Variants in KCND2 observed in about 807,000 individuals in gnomAD.
The protein encoded by KCND2 is potassium voltage-gated channel subfamily D member 2, also known as A-type voltage-gated potassium channel KCND2.
KCND2 carries 16 observed loss-of-function variants against 54.4 expected under a neutral mutation model. That is an observed-to-expected ratio of 0.29 (90% CI 0.20 to 0.45). KCND2 has a LOEUF of 0.45. Ranked by LOEUF, KCND2 falls within the 20% of genes least tolerant of loss-of-function variation. The pLI, the probability that KCND2 is intolerant of heterozygous loss-of-function variation, is 1.00. For missense variants in KCND2, 486 were observed against 824.2 expected (o/e 0.59, Z 5.02); for synonymous variants, 317 against 310.7 (o/e 1.02, Z -0.21).
At chr7:120,288,597 T>G (rs1263989968) in intron 1 of KCND2, among the ~76,000 whole-genome samples, 3 of 152,164 alleles carry the variant, frequency 2.0e-5, no homozygotes, top group Non-Finnish European at 4.4e-5. Context: ...TTGATAGATA[T>G]ATGAAATATA....
chr7:120,566,672 A>G (rs1055291431), intron 1 of KCND2, among the ~76,000 whole-genome samples: 2 of 151,988 alleles, frequency 1.3e-5, no homozygotes, highest in Non-Finnish European at 2.9e-5. Context: ...TCCCATTACT[A>G]TTTTTGTAAG....
At chr7:120,591,162 A>C (rs9886190) in intron 1 of KCND2, among the ~76,000 whole-genome samples, 17,894 of 152,124 alleles carry the variant, frequency 0.12, 1,697 homozygotes, top group African/African-American at 0.28. Flanking sequence ...AATGCTTCAA[A>C]TTTCAACCTA....
intron 1 of KCND2, among the ~76,000 whole-genome samples, chr7:120,664,609 A>G (rs937343742): frequency 1.3e-5 from 2 of 152,074 alleles, no homozygotes; most frequent in East Asian, 3.8e-4. Context: ...TAGAGCTCCC[A>G]ATATTTTGAG....
intron 1 of KCND2, among the ~76,000 whole-genome samples, chr7:120,503,500 A>G (rs186065725): frequency 1.2e-4 from 18 of 152,066 alleles, no homozygotes; most frequent in Admixed American, 6.6e-4. Context: ...TCTTTTAAAC[A>G]TAAGTGTTCC....
chr7:120,671,258 A>C (rs539074736), intron 1 of KCND2, among the ~76,000 whole-genome samples: 11 of 152,076 alleles, frequency 7.2e-5, no homozygotes, highest in Non-Finnish European at 1.2e-4. Flanking sequence ...CATTAGGAGC[A>C]TGCAACCTAG....
At chr7:120,596,811 T>G (rs73441827) in intron 1 of KCND2, among the ~76,000 whole-genome samples, 2,223 of 152,304 alleles carry the variant, frequency 0.015, 47 homozygotes, top group African/African-American at 0.051. Context: ...ATGGTCTACA[T>G]GGAAAAATAA....
At position 120,741,548 on chromosome 7, in the gene KCND2, C is replaced by T. The variant is rs1792941084; in HGVS notation, c.1293C>T (p.Ala431=). The T allele has an allele frequency of 6.2e-7, 1 of 1,612,462 alleles. No homozygotes were observed. The highest frequency in any genetic ancestry group is 1.7e-5 in the Admixed American group (1 of 59,934). Reference sequence around the variant, plus strand: ...TTCTCCTATAGAAAGCTAGACTGGCCAGGATCCGGGCAGCCAAAAGCGGAA... The same window carrying T: ...TTCTCCTATAGAAAGCTAGACTGGCTAGGATCCGGGCAGCCAAAAGCGGAA... The part of the protein sequence containing the change: ...KRRAQKKARL[A]RIRAAKSGSA... The change falls in exon 3 of 6, where the codon GCC becomes GCT. Residue 431 remains alanine, a synonymous_variant. Transcript: ENST00000331113.
chr7:120,310,659 TGTGGTGGCTCAC>T (rs1180405121), intron 1 of KCND2, among the ~76,000 whole-genome samples: 3 of 152,090 alleles, frequency 2.0e-5, no homozygotes, highest in East Asian at 3.9e-4. Context: ...GGCTCACGGT[TGTGGTGGCTCAC>T]GTGGTGGCTC....
chr7:120,707,744 AG>A (rs1792487971), intron 1 of KCND2, among the ~76,000 whole-genome samples: 5 of 152,138 alleles, frequency 3.3e-5, no homozygotes, highest in Admixed American at 3.3e-4. Context: ...GCAAGGCTGA[AG>A]TAGAGGGACA....
chr7:120,311,895 G>T (rs1232640271), intron 1 of KCND2, among the ~76,000 whole-genome samples: 1 of 151,972 alleles, frequency 6.6e-6, no homozygotes, highest in Non-Finnish European at 1.5e-5. Context: ...CAAAGGACAT[G>T]GTCTCAATTT....
intron 1 of KCND2, among the ~76,000 whole-genome samples, chr7:120,282,559 T>TG (rs1277862718): frequency 3.3e-5 from 5 of 152,058 alleles, no homozygotes; most frequent in Admixed American, 1.3e-4. Flanking sequence ...ATTAAAAGTG[T>TG]GGGGGGAGTA....
chr7:120,597,169 C>T (rs1792755802), intron 1 of KCND2, among the ~76,000 whole-genome samples: 1 of 152,066 alleles, frequency 6.6e-6, no homozygotes, highest in Non-Finnish European at 1.5e-5. Flanking sequence ...AACGGCAGCC[C>T]TGGTGGAATT....
At chr7:120,335,452 TTTATTTAC>T (rs1340073840) in intron 1 of KCND2, among the ~76,000 whole-genome samples, 3 of 134,528 alleles carry the variant, frequency 2.2e-5, no homozygotes, top group African/African-American at 3.3e-5. Context: ...TATTTATTTA[TTTATTTAC>T]TTACTTACTT....
chr7:120,323,193 G>C lies in KCND2; in HGVS notation c.1115+47446G>C, dbSNP rs113342140. Among the ~76,000 whole-genome samples the C allele has an allele frequency of 3.5e-3, 532 of 152,068 alleles. 4 individuals carry two copies. Among genetic ancestry groups the C allele is most frequent in the African/African-American group, 0.012 (504 of 41,480 alleles). On this transcript the variant is annotated intron_variant, in intron 1 of 5. Coordinates refer to ENST00000331113, the MANE Select transcript of KCND2 (RefSeq NM_012281.3). ...CCTGGTGTGTGATGTTCTCCTACCT[G>C]TGCCCTGTGTTCTCATTATTCAACT...
chr7:120,558,534 C>T (rs1052527552), intron 1 of KCND2, among the ~76,000 whole-genome samples: 5 of 152,092 alleles, frequency 3.3e-5, no homozygotes, highest in Non-Finnish European at 5.9e-5. Flanking sequence ...AACTGGATTC[C>T]AGGAAGAACT....
At chr7:120,536,535 C>A (rs1791909308) in intron 1 of KCND2, among the ~76,000 whole-genome samples, 1 of 152,142 alleles carries the variant, frequency 6.6e-6, no homozygotes, top group African/African-American at 2.4e-5. Flanking sequence ...TCTTCTCATA[C>A]CCTGCATTGC....
At chr7:120,407,729 T>C (rs1042475709) in intron 1 of KCND2, among the ~76,000 whole-genome samples, 1 of 150,540 alleles carries the variant, frequency 6.6e-6, no homozygotes, top group African/African-American at 2.4e-5. Context: ...AATATAATAA[T>C]ATAATATAGA....
At chr7:120,356,185 A>G (rs1238540486) in intron 1 of KCND2, among the ~76,000 whole-genome samples, 2 of 152,122 alleles carry the variant, frequency 1.3e-5, no homozygotes, top group Non-Finnish European at 2.9e-5. Context: ...TGCCAACCCC[A>G]TATGACTAAT....
chr7:120,479,975 AAAAAG>A (rs1307252275), intron 1 of KCND2, among the ~76,000 whole-genome samples: 5 of 150,248 alleles, frequency 3.3e-5, no homozygotes, highest in African/African-American at 1.2e-4. Flanking sequence ...AAAAAAAAAA[AAAAAG>A]AAAGAAAGAA....
Sources: gnomAD v4.1 joint callset for allele counts (sites outside exome capture counted in the v4.1 genomes callset) on GRCh38, gnomAD v4.1.1 for gene constraint, MANE v1.5 for transcripts, NCBI Gene and HGNC (gene_info 2026-07-23, HGNC 2026-07-21) for gene names.